Variants in GAPT observed in about 807,000 individuals in gnomAD.
GAPT encodes the protein GRB2 binding adaptor protein, transmembrane, also known as protein GAPT.
For synonymous variants in GAPT, 82 were observed against 69.7 expected, an observed-to-expected ratio of 1.18 and a Z score of -0.88; for missense variants, 206 against 189.2, an observed-to-expected ratio of 1.09 and a Z score of -0.52.
Position 58,495,158 on chromosome 5 carries a change from C to A in GAPT, c.*148C>A. On this transcript the variant is annotated 3_prime_UTR_variant, in exon 3 of 3. Transcript: ENST00000502276. ...ACATACACCATAGAATATTATGCAG[C>A]CGTAAAAAAAGAACAAAACTAACAT... 2 of 575,864 alleles carry A rather than the reference C, an allele frequency of 3.5e-6. No homozygotes were observed. The highest frequency in any genetic ancestry group is 2.4e-5 in the South Asian group (1 of 41,098). 35.7% of individuals were successfully genotyped at this position (575,864 alleles called of 1,614,324 possible).
Position 58,496,667 on chromosome 5 carries a change from G to A in GAPT, c.*1657G>A, listed in dbSNP as rs547392143. ...TAGGGGGCACTAAGGAAGACCGAAA[G>A]GCAGTAGGAGGCAACAGGGAATTGC... On this transcript the variant is annotated 3_prime_UTR_variant, in exon 3 of 3. Coordinates refer to ENST00000502276, the MANE Select transcript of GAPT (RefSeq NM_001304431.2). 1 of 167,202 alleles carries A rather than the reference G, an allele frequency of 6.0e-6. No homozygotes were observed. The highest frequency in any genetic ancestry group is 2.1e-4 in the South Asian group (1 of 4,818). The allele number at this position is 167,202 out of a possible 1,614,324, so 10.4% of individuals were successfully genotyped here. A position where few individuals can be genotyped will look rare whatever the true frequency, so the allele number is the denominator to read the frequency against.
At position 58,495,430 on chromosome 5, in the gene GAPT, C is replaced by T. The variant is rs1469395840; in HGVS notation, c.*420C>T. On this transcript the variant is annotated 3_prime_UTR_variant, in exon 3 of 3. Coordinates refer to ENST00000502276, the MANE Select transcript of GAPT (RefSeq NM_001304431.2). ...TACATAACAAACCTGAACATGTACC[C>T]CTGAACATAAAATTATAATTAAAAT... 2 of 163,588 alleles carry T rather than the reference C, an allele frequency of 1.2e-5. No homozygotes were observed. Among genetic ancestry groups the T allele is most frequent in the African/African-American group, 4.8e-5 (2 of 41,452 alleles). The allele number at this position is 163,588 out of a possible 1,614,324, so 10.1% of individuals were successfully genotyped here.
chr5:58,496,092 T>A lies in GAPT; in HGVS notation c.*1082T>A, dbSNP rs1744441896. On this transcript the variant is annotated 3_prime_UTR_variant, in exon 3 of 3. Coordinates refer to ENST00000502276, the MANE Select transcript of GAPT (RefSeq NM_001304431.2). ...TCTCCTGAATCACTCCAAACCCGCA[T>A]TTACCTTTTTATTTTCTGATATAAG... is the stretch of plus-strand genomic sequence containing the variant. The A allele has an allele frequency of 6.0e-6, 1 of 166,974 alleles. No individual in the cohort carries two copies. The highest frequency in any genetic ancestry group is 2.1e-4 in the South Asian group (1 of 4,830). The allele number at this position is 166,974 out of a possible 1,614,324, so 10.3% of individuals were successfully genotyped here. A position where few individuals can be genotyped will look rare whatever the true frequency, so the allele number is the denominator to read the frequency against.
chr5:58,494,428 C>T lies in GAPT; in HGVS notation c.-109C>T, dbSNP rs76717566. 0.01 allele frequency: 9,159 copies of T among 903,398 alleles called. 76 individuals carry two copies. Among genetic ancestry groups the T allele is most frequent in the Non-Finnish European group, 0.012 (7,423 of 601,720 alleles). The allele number at this position is 903,398 out of a possible 1,614,324, so 56.0% of individuals were successfully genotyped here. ...CTTCCAGATCTGAAAAGGAAAATGC[C>T]TAAAAGAGCTTCCAAACTCATTTTT... On this transcript the variant is annotated 5_prime_UTR_variant, in exon 3 of 3. Transcript: ENST00000502276.
intron 1 of GAPT, among the ~76,000 whole-genome samples, chr5:58,492,135 TA>T (rs913293688): frequency 3.3e-5 from 5 of 152,182 alleles, no homozygotes; most frequent in African/African-American, 1.2e-4. Context: ...ACATAGATGG[TA>T]AAAATGCCTT....
rs764628393 is a variant in GAPT at position 58,495,258 on chromosome 5, G to C, written c.*248G>C. The C allele has an allele frequency of 5.2e-5, 21 of 406,344 alleles. No homozygotes were observed. Among genetic ancestry groups the C allele is most frequent in the Admixed American group, 8.4e-5 (2 of 23,940 alleles). 25.2% of individuals were successfully genotyped at this position (406,344 alleles called of 1,614,324 possible). On this transcript the variant is annotated 3_prime_UTR_variant, in exon 3 of 3. Transcript: ENST00000502276. The stretch of plus-strand genomic sequence containing the variant: ...AATAATAAGAACACATGGAGAGAAG[G>C]AGAGGAACAACAGACACTGGGGCCT...
intron 1 of GAPT, among the ~76,000 whole-genome samples, chr5:58,492,230 C>T (rs530561463): frequency 6.6e-6 from 1 of 152,232 alleles, no homozygotes; most frequent in Non-Finnish European, 1.5e-5. Context: ...CAACCCTCAC[C>T]GTGACTTCTG....
chr5:58,494,237 T>C lies in GAPT; in HGVS notation c.-290-10T>C. ...ACTCATTTCTGCTTCATTTTGTGAT[T>C]CGTTAACAGAAAAGGAAGTGGAATG... On this transcript the variant is annotated splice_polypyrimidine_tract_variant and intron_variant, in intron 2 of 2. Coordinates refer to ENST00000502276, the MANE Select transcript of GAPT (RefSeq NM_001304431.2). 1 of 258,670 alleles carries C rather than the reference T, an allele frequency of 3.9e-6. No homozygotes were observed. Among genetic ancestry groups the C allele is most frequent in the South Asian group, 1.5e-4 (1 of 6,688 alleles). The allele number at this position is 258,670 out of a possible 1,614,324, so 16.0% of individuals were successfully genotyped here. A position where few individuals can be genotyped will look rare whatever the true frequency, so the allele number is the denominator to read the frequency against.
chr5:58,492,297 A>G (rs1744279866), intron 1 of GAPT, among the ~76,000 whole-genome samples: 1 of 152,160 alleles, frequency 6.6e-6, no homozygotes, highest in East Asian at 1.9e-4. Flanking sequence ...CTTAAAGTGT[A>G]TTTTGTAAAT....
At position 58,496,476 on chromosome 5, in the gene GAPT, A is replaced by C. The variant is rs561038583; in HGVS notation, c.*1466A>C. 1.2e-5 allele frequency: 2 copies of C among 167,234 alleles called. No individual in the cohort carries two copies. Among genetic ancestry groups the C allele is most frequent in the African/African-American group, 4.8e-5 (2 of 41,584 alleles). 10.4% of individuals were successfully genotyped at this position (167,234 alleles called of 1,614,324 possible). A position where few individuals can be genotyped will look rare whatever the true frequency, so the allele number is the denominator to read the frequency against. On this transcript the variant is annotated 3_prime_UTR_variant, in exon 3 of 3. Coordinates refer to ENST00000502276, the MANE Select transcript of GAPT (RefSeq NM_001304431.2). ...AGAGACATGGATCCTGAACACATAC[A>C]GTCTAGTAGGAAAGAAAACATAGTA...
rs1317186909 is a variant in GAPT, at chr5:58,495,147, A to G, written c.*137A>G. ...AAATGTGGTACACATACACCATAGA[A>G]TATTATGCAGCCGTAAAAAAAGAAC... On this transcript the variant is annotated 3_prime_UTR_variant, in exon 3 of 3. Coordinates refer to ENST00000502276, the MANE Select transcript of GAPT (RefSeq NM_001304431.2). 5 of 600,832 alleles carry G rather than the reference A, an allele frequency of 8.3e-6. No individual in the cohort carries two copies. Among genetic ancestry groups the G allele is most frequent in the Non-Finnish European group, 1.4e-5 (5 of 345,484 alleles). 37.2% of individuals were successfully genotyped at this position (600,832 alleles called of 1,614,324 possible).
chr5:58,493,319 T>C (rs186150450), intron 1 of GAPT, among the ~76,000 whole-genome samples: 105 of 152,280 alleles, frequency 6.9e-4, no homozygotes, highest in Non-Finnish European at 1.3e-3. Flanking sequence ...CAATGGAACA[T>C]GCAGCCCAGT....
intron 1 of GAPT, among the ~76,000 whole-genome samples, chr5:58,491,994 A>C (rs1744271838): frequency 2.6e-5 from 4 of 152,098 alleles, no homozygotes; most frequent in African/African-American, 9.7e-5. Context: ...TTTTCCTCTA[A>C]TGTTATTTCG....
Position 58,496,095 on chromosome 5 carries a change from A to G in GAPT, c.*1085A>G, listed in dbSNP as rs1579985095. On this transcript the variant is annotated 3_prime_UTR_variant, in exon 3 of 3. Coordinates refer to ENST00000502276, the MANE Select transcript of GAPT (RefSeq NM_001304431.2). Reference sequence around the variant, plus strand: ...CCTGAATCACTCCAAACCCGCATTTACCTTTTTATTTTCTGATATAAGCTT... The same window carrying G: ...CCTGAATCACTCCAAACCCGCATTTGCCTTTTTATTTTCTGATATAAGCTT... 6.0e-6 allele frequency: 1 copy of G among 166,938 alleles called. No homozygotes were observed. Among genetic ancestry groups the G allele is most frequent in the Non-Finnish European group, 1.5e-5 (1 of 68,098 alleles). 10.3% of individuals were successfully genotyped at this position (166,938 alleles called of 1,614,324 possible).
In GAPT at chr5:58,493,705, A is replaced by G. The variant is rs1744334024; in HGVS notation, c.-418-6A>G. The G allele has an allele frequency of 6.6e-6, 1 of 152,162 alleles. No homozygotes were observed. Among genetic ancestry groups the G allele is most frequent in the Admixed American group, 6.6e-5 (1 of 15,242 alleles). The allele number at this position is 152,162 out of a possible 1,614,324, so 9.4% of individuals were successfully genotyped here. A position where few individuals can be genotyped will look rare whatever the true frequency, so the allele number is the denominator to read the frequency against. On this transcript the variant is annotated splice_polypyrimidine_tract_variant and splice_region_variant and intron_variant, in intron 1 of 2. Coordinates refer to ENST00000502276, the MANE Select transcript of GAPT (RefSeq NM_001304431.2). The stretch of plus-strand genomic sequence containing the variant: ...CCAAGTAAGAATACAATTCTCTCTC[A>G]TTTAGGTTATCACGCTATAATAGAG...
In GAPT at chr5:58,494,309, T is replaced by C. The variant is rs1422772057; in HGVS notation, c.-228T>C. ...TACAATTATACATTAATGGCTGTAA[T>C]GTGAAGAGCATCACACACGAAGAGA... On this transcript the variant is annotated 5_prime_UTR_variant, in exon 3 of 3. The change abolishes an upstream ATG in the 5' untranslated region. Coordinates refer to ENST00000502276, the MANE Select transcript of GAPT (RefSeq NM_001304431.2). 1 of 481,066 alleles carries C rather than the reference T, an allele frequency of 2.1e-6. No individual in the cohort carries two copies. The highest frequency in any genetic ancestry group is 3.7e-6 in the Non-Finnish European group (1 of 273,054). 29.8% of individuals were successfully genotyped at this position (481,066 alleles called of 1,614,324 possible).
At chr5:58,493,224 T>C (rs1327672552) in intron 1 of GAPT, among the ~76,000 whole-genome samples, 2 of 152,194 alleles carry the variant, frequency 1.3e-5, no homozygotes, top group East Asian at 1.9e-4. Context: ...CCATAGATGA[T>C]AATAATCATT....
chr5:58,492,233 G>A (rs74792091), intron 1 of GAPT, among the ~76,000 whole-genome samples: 3,284 of 152,196 alleles, frequency 0.022, 113 homozygotes, highest in African/African-American at 0.074. Context: ...CCCTCACCGT[G>A]ACTTCTGTTG....
chr5:58,493,450 T>C (rs1305068150), intron 1 of GAPT, among the ~76,000 whole-genome samples: 1 of 152,196 alleles, frequency 6.6e-6, no homozygotes, highest in African/African-American at 2.4e-5. Flanking sequence ...ACTAAGGATT[T>C]TGAAAATACA....
Sources: allele counts gnomAD v4.1 joint callset (sites outside exome capture counted in the v4.1 genomes callset), GRCh38; gene constraint gnomAD v4.1.1; transcripts MANE v1.5; gene names NCBI Gene and HGNC (gene_info 2026-07-23, HGNC 2026-07-21).